Variants in SNTB1 observed in about 807,000 individuals in gnomAD.
SNTB1 encodes the protein syntrophin beta 1.
In SNTB1, 36 loss-of-function variants were observed where a neutral mutation model predicts 48.9. The ratio of observed to expected loss-of-function variants is 0.74; its 90% CI spans 0.56 to 0.97. The LOEUF is 0.97. Ranked by LOEUF, SNTB1 falls within the 50% of genes least tolerant of loss-of-function variation. The pLI is 0.00. For missense variants in SNTB1, 786 were observed against 703.4 expected (o/e 1.12, Z -1.33); for synonymous variants, 299 against 294.6 (o/e 1.01, Z -0.15).
At chr8:120,789,701 T>A (rs978366184) in intron 1 of SNTB1, among the ~76,000 whole-genome samples, 17 of 152,072 alleles carry the variant, frequency 1.1e-4, no homozygotes, top group African/African-American at 4.1e-4. Flanking sequence ...ATAGACATCC[T>A]GAACAGATCA....
chr8:120,574,286 G>A (rs1815911991), intron 4 of SNTB1, among the ~76,000 whole-genome samples: 1 of 152,190 alleles, frequency 6.6e-6, no homozygotes, highest in Admixed American at 6.5e-5. Context: ...GAGATCTACT[G>A]TACAGCATAG....
At chr8:120,752,526 G>T (rs570891143) in intron 1 of SNTB1, among the ~76,000 whole-genome samples, 1 of 152,084 alleles carries the variant, frequency 6.6e-6, no homozygotes, top group Admixed American at 6.6e-5. Context: ...CAGTAACAAA[G>T]AAATGAAATC....
intron 1 of SNTB1, among the ~76,000 whole-genome samples, chr8:120,788,471 A>G (rs1219807292): frequency 6.6e-6 from 1 of 152,110 alleles, no homozygotes; most frequent in Non-Finnish European, 1.5e-5. Context: ...CATAAACCAA[A>G]TATCTGCTGT....
intron 3 of SNTB1, among the ~76,000 whole-genome samples, chr8:120,631,955 A>G (rs564184927): frequency 4.2e-4 from 64 of 152,314 alleles, no homozygotes; most frequent in Middle Eastern, 3.4e-3. Context: ...ATAAGGTAAC[A>G]TAAGAAAAGA....
chr8:120,549,734 T>C (rs1382764038), intron 4 of SNTB1, among the ~76,000 whole-genome samples: 1 of 152,238 alleles, frequency 6.6e-6, no homozygotes, highest in Non-Finnish European at 1.5e-5. Flanking sequence ...CTACTTCTCA[T>C]TCATTGCTTT....
chr8:120,777,137 TCAA>T (rs1332997019), intron 1 of SNTB1, among the ~76,000 whole-genome samples: 4 of 152,226 alleles, frequency 2.6e-5, no homozygotes, highest in Non-Finnish European at 5.9e-5. Flanking sequence ...TACTATGGTT[TCAA>T]CTGCTGTTGT....
Position 120,790,198 on chromosome 8 carries a change from T to C in SNTB1, c.571+21075A>G, listed in dbSNP as rs1006753024. Among the ~76,000 whole-genome samples the C allele has an allele frequency of 1.1e-4, 17 of 151,966 alleles. 1 individual carries two copies. Among genetic ancestry groups the C allele is most frequent in the East Asian group, 5.8e-4 (3 of 5,194 alleles). ...AATAAAATCCAGCATCCTTTTATGA[T>C]ACAAACCATCAAAAAACTAGACATA... On this transcript the variant is annotated intron_variant, in intron 1 of 6. Coordinates refer to ENST00000517992, the MANE Select transcript of SNTB1 (RefSeq NM_021021.4).
At chr8:120,783,656 G>C (rs1375388859) in intron 1 of SNTB1, among the ~76,000 whole-genome samples, 3 of 151,996 alleles carry the variant, frequency 2.0e-5, no homozygotes, top group Non-Finnish European at 2.9e-5. Context: ...TCTAGACACT[G>C]CTGCTTCAAT....
intron 1 of SNTB1, among the ~76,000 whole-genome samples, chr8:120,759,710 C>T (rs1055922954): frequency 1.3e-5 from 2 of 152,178 alleles, no homozygotes; most frequent in Non-Finnish European, 2.9e-5. Context: ...CAATGACTTC[C>T]TGTGGCCCAA....
chr8:120,750,912 C>T (rs1046919510), intron 1 of SNTB1, among the ~76,000 whole-genome samples: 1 of 152,000 alleles, frequency 6.6e-6, no homozygotes, highest in Non-Finnish European at 1.5e-5. Flanking sequence ...CCAAGCTACC[C>T]CCCATCTGGA....
chr8:120,722,321 ACT>A (rs1181783893), intron 1 of SNTB1, among the ~76,000 whole-genome samples: 2 of 152,202 alleles, frequency 1.3e-5, no homozygotes, highest in Non-Finnish European at 2.9e-5. Context: ...GAATCGCCAC[ACT>A]GTCTTCCACA....
intron 1 of SNTB1, among the ~76,000 whole-genome samples, chr8:120,775,902 T>C (rs962116278): frequency 6.6e-6 from 1 of 152,320 alleles, no homozygotes; most frequent in East Asian, 1.9e-4. Context: ...ATTATTATTA[T>C]ACTTTAAGTT....
At position 120,812,004 on chromosome 8, in the gene SNTB1, G is replaced by A; in HGVS notation, c.-161C>T. 1 of 1,267,532 alleles carries A rather than the reference G, an allele frequency of 7.9e-7. No individual in the cohort carries two copies. The highest frequency in any genetic ancestry group is 9.9e-7 in the Non-Finnish European group (1 of 1,012,360). The allele number at this position is 1,267,532 out of a possible 1,614,324, so 78.5% of individuals were successfully genotyped here. A position where few individuals can be genotyped will look rare whatever the true frequency, so the allele number is the denominator to read the frequency against. ...GCTCCGGGAGTTCGCAGACGCACTC[G>A]GCGGGAGTTGGCAGCTGCACTCAGG... On this transcript the variant is annotated 5_prime_UTR_variant, in exon 1 of 7. Transcript: ENST00000517992.
At chr8:120,566,329 C>CAAAAAA (rs71306894) in intron 4 of SNTB1, among the ~76,000 whole-genome samples, 1 of 78,292 alleles carries the variant, frequency 1.3e-5, no homozygotes, top group Non-Finnish European at 2.5e-5. Flanking sequence ...GACTCTGTCT[C>CAAAAAA]AAAAAAAAAA....
At chr8:120,799,686 T>C (rs1233830334) in intron 1 of SNTB1, among the ~76,000 whole-genome samples, 2 of 151,988 alleles carry the variant, frequency 1.3e-5, no homozygotes, top group African/African-American at 4.8e-5. Flanking sequence ...TAATAGGATT[T>C]CCGCATGCAG....
intron 2 of SNTB1, among the ~76,000 whole-genome samples, chr8:120,642,219 T>C (rs1424383403): frequency 6.6e-6 from 1 of 152,228 alleles, no homozygotes; most frequent in Non-Finnish European, 1.5e-5. Context: ...GAGCTTCCCC[T>C]GTCAGTTTTC....
chr8:120,549,027 A>G (rs1815434215), intron 4 of SNTB1, 69 bp from the exon 5 acceptor site: 1 of 1,301,438 alleles, frequency 7.7e-7, no homozygotes, highest in Non-Finnish European at 1.1e-6. Context: ...ATCACCTTGT[A>G]TAAGACCCAA....
intron 4 of SNTB1, among the ~76,000 whole-genome samples, chr8:120,557,358 A>T (rs1815581917): frequency 6.6e-6 from 1 of 152,194 alleles, no homozygotes; most frequent in Admixed American, 6.5e-5. Flanking sequence ...CCATACTTGG[A>T]GCAGATGTCT....
At chr8:120,592,109 G>T (rs1816248211) in intron 3 of SNTB1, among the ~76,000 whole-genome samples, 1 of 151,986 alleles carries the variant, frequency 6.6e-6, no homozygotes, top group African/African-American at 2.4e-5. Flanking sequence ...TAAAAAGTAT[G>T]AAAAAGGCTA....
Sources: gnomAD v4.1 joint callset for allele counts (sites outside exome capture counted in the v4.1 genomes callset) on GRCh38, gnomAD v4.1.1 for gene constraint, MANE v1.5 for transcripts, NCBI Gene and HGNC (gene_info 2026-07-23, HGNC 2026-07-21) for gene names.